TTC28: variants seen among roughly 807,000 people sequenced by gnomAD.
TTC28 encodes the protein tetratricopeptide repeat domain 28.
Under a neutral mutation model 198.0 loss-of-function variants are expected in TTC28, and 61 were observed. That is an observed-to-expected ratio of 0.31 (90% CI 0.25 to 0.38). The LOEUF (loss-of-function observed/expected upper bound fraction) is 0.38. Ranked by LOEUF, TTC28 falls within the 10% of genes least tolerant of loss-of-function variation. The pLI, the probability that TTC28 is intolerant of heterozygous loss-of-function variation, is 1.00. For synonymous variants in TTC28, 1,171 were observed against 1,297.8 expected (o/e 0.90, Z 2.10); for missense variants, 2,678 against 3,164.0 (o/e 0.85, Z 3.69).
At position 27,982,205 on chromosome 22, in the gene TTC28, G is replaced by A. The variant is rs1447706894; in HGVS notation, c.*16C>T. The stretch of plus-strand genomic sequence containing the variant: ...CATCTGCAGGCTGCTCAGAGTCAGT[G>A]GGTATAAAAGATGCTTTAGCATTTG... On this transcript the variant is annotated 3_prime_UTR_variant, in exon 23 of 23. Transcript: ENST00000397906. The surrounding 1 kb of genome is among the most constrained non-coding windows in gnomAD (Gnocchi z 5.2). 3 of 1,460,036 alleles carry A rather than the reference G, an allele frequency of 2.1e-6. No homozygotes were observed. Among genetic ancestry groups the A allele is most frequent in the Non-Finnish European group, 2.7e-6 (3 of 1,105,306 alleles). The allele number at this position is 1,460,036 out of a possible 1,614,324, so 90.4% of individuals were successfully genotyped here. A position where few individuals can be genotyped will look rare whatever the true frequency, so the allele number is the denominator to read the frequency against.
chr22:28,100,251 G>C (rs1168752655), intron 9 of TTC28, among the ~76,000 whole-genome samples: 1 of 152,186 alleles, frequency 6.6e-6, no homozygotes, highest in East Asian at 1.9e-4. Flanking sequence ...AGCGCTAAGA[G>C]AATGTGTTCC....
intron 12 of TTC28, among the ~76,000 whole-genome samples, chr22:28,066,401 T>C (rs956260228): frequency 1.3e-5 from 2 of 152,164 alleles, no homozygotes; most frequent in Non-Finnish European, 2.9e-5. Flanking sequence ...GTGTTAACTA[T>C]AGTCACCATG....
intron 2 of TTC28, among the ~76,000 whole-genome samples, chr22:28,446,131 A>G (rs778270579): frequency 6.6e-6 from 1 of 152,232 alleles, no homozygotes. Flanking sequence ...CCGAGCCGGT[A>G]TCTAAAATAC....
intron 22 of TTC28, among the ~76,000 whole-genome samples, chr22:27,984,481 C>G (rs1033155435): frequency 6.6e-6 from 1 of 152,062 alleles, no homozygotes; most frequent in East Asian, 1.9e-4. Flanking sequence ...CCTTGTCACT[C>G]TGAACCCTGG....
At chr22:28,568,616 G>T (rs961296624) in intron 2 of TTC28, among the ~76,000 whole-genome samples, 1 of 151,962 alleles carries the variant, frequency 6.6e-6, no homozygotes, top group African/African-American at 2.4e-5. Context: ...TCACAAAATG[G>T]GATAAAATAC....
At chr22:28,086,844 A>T (rs1941623755) in intron 12 of TTC28, among the ~76,000 whole-genome samples, 1 of 152,140 alleles carries the variant, frequency 6.6e-6, no homozygotes, top group African/African-American at 2.4e-5. Context: ...CACCGATCCC[A>T]CAGAAATACA....
intron 2 of TTC28, among the ~76,000 whole-genome samples, chr22:28,455,890 TG>T (rs1028498751): frequency 7.9e-5 from 12 of 152,084 alleles, no homozygotes; most frequent in Non-Finnish European, 1.8e-4. Flanking sequence ...CCAAGTATTG[TG>T]GGTCATGCCT....
At chr22:28,118,327 A>C (rs560755489) in intron 6 of TTC28, among the ~76,000 whole-genome samples, 2 of 152,154 alleles carry the variant, frequency 1.3e-5, no homozygotes, top group Non-Finnish European at 2.9e-5. Context: ...TGAACCCAGG[A>C]GGCGGAGGTT....
Position 28,441,862 on chromosome 22 carries a change from A to C in TTC28, c.382-135219T>G, listed in dbSNP as rs529803598. ...CTTCAGAAGAATGTCAATAAAAACC[A>C]CGGCCAAATGAGGTATTTGAAGTTT... On this transcript the variant is annotated intron_variant, in intron 2 of 22. Transcript: ENST00000397906. Among the ~76,000 whole-genome samples, 51 of 148,756 alleles carry C rather than the reference A, an allele frequency of 3.4e-4. No homozygotes were observed. In the South Asian group the frequency reaches 0.011, roughly 32 times the overall value.
Position 28,676,620 on chromosome 22 carries a change from T to A in TTC28, c.102+3002A>T, listed in dbSNP as rs568932629. Among the ~76,000 whole-genome samples, 14 of 152,226 alleles carry A rather than the reference T, an allele frequency of 9.2e-5. 1 individual carries two copies. Among genetic ancestry groups the A allele is most frequent in the Admixed American group, 6.5e-4 (10 of 15,284 alleles). ...CTGAGAGACTAAAATGCCTAATTTT[T>A]CCATTTTTCTTCTTCAGCGCAATCT... On this transcript the variant is annotated intron_variant, in intron 1 of 22. Transcript: ENST00000397906.
chr22:28,119,652 G>A (rs1225586394), intron 6 of TTC28, among the ~76,000 whole-genome samples: 4 of 152,176 alleles, frequency 2.6e-5, no homozygotes, highest in African/African-American at 9.7e-5. Context: ...GGTGGGGCCA[G>A]GGATACTAAA....
intron 6 of TTC28, among the ~76,000 whole-genome samples, chr22:28,162,122 T>C (rs1257064106): frequency 2.0e-5 from 3 of 152,300 alleles, no homozygotes; most frequent in African/African-American, 7.2e-5. Flanking sequence ...CCACATCTGT[T>C]TGAATACAGG....
chr22:28,290,876 C>T (rs543916772), intron 5 of TTC28, among the ~76,000 whole-genome samples: 1 of 152,176 alleles, frequency 6.6e-6, no homozygotes, highest in African/African-American at 2.4e-5. Context: ...TGTACCACTG[C>T]ACTCCAGCCT....
At chr22:28,455,763 G>A (rs1009516405) in intron 2 of TTC28, among the ~76,000 whole-genome samples, 1 of 151,468 alleles carries the variant, frequency 6.6e-6, no homozygotes, top group African/African-American at 2.4e-5. Flanking sequence ...CCTTCATTGG[G>A]TTGATGAATT....
intron 5 of TTC28, among the ~76,000 whole-genome samples, chr22:28,236,391 G>T (rs1002800960): frequency 6.6e-6 from 1 of 152,112 alleles, no homozygotes; most frequent in South Asian, 2.1e-4. Flanking sequence ...ATTGGTGTTC[G>T]GAGTAGAGTT....
chr22:28,365,012 T>C (rs904445540), intron 2 of TTC28, among the ~76,000 whole-genome samples: 29 of 152,208 alleles, frequency 1.9e-4, no homozygotes, highest in African/African-American at 7.0e-4. Flanking sequence ...CAGCATTGCA[T>C]GCTACAGAGA....
intron 2 of TTC28, among the ~76,000 whole-genome samples, chr22:28,403,773 G>A (rs2046955892): frequency 6.6e-6 from 1 of 152,154 alleles, no homozygotes; most frequent in South Asian, 2.1e-4. Context: ...TATTAGACAG[G>A]TTTTACTCGG....
At chr22:28,154,061 C>A (rs1943682887) in intron 6 of TTC28, among the ~76,000 whole-genome samples, 1 of 152,158 alleles carries the variant, frequency 6.6e-6, no homozygotes, top group Admixed American at 6.5e-5. Context: ...TGTCTCCCTA[C>A]TGACTTTCCT....
At chr22:28,386,083 C>T (rs941695256) in intron 2 of TTC28, among the ~76,000 whole-genome samples, 1 of 151,006 alleles carries the variant, frequency 6.6e-6, no homozygotes, top group South Asian at 2.1e-4. Context: ...GAGACCATCC[C>T]GGCTAAAACG....
Sources: gnomAD v4.1 joint callset for allele counts (sites outside exome capture counted in the v4.1 genomes callset) on GRCh38, gnomAD v4.1.1 for gene constraint, Gnocchi (gnomAD v3.1) non-coding constraint, MANE v1.5 for transcripts, NCBI Gene and HGNC (gene_info 2026-07-23, HGNC 2026-07-21) for gene names.